NCAM1: variants seen among roughly 807,000 people sequenced by gnomAD.
NCAM1 encodes the protein antigen recognized by monoclonal antibody 5.1H11.
A neutral mutation model predicts 109.8 loss-of-function variants in NCAM1; 14 were observed. That is an observed-to-expected ratio of 0.13 (90% CI 0.08 to 0.20). The LOEUF (loss-of-function observed/expected upper bound fraction) is 0.20, where lower values mean the gene tolerates loss of function less well. Among genes scored for constraint, NCAM1 ranks in the 10% least tolerant of loss-of-function variants. The pLI, the probability that NCAM1 is intolerant of heterozygous loss-of-function variation, is 1.00. For missense variants in NCAM1, 774 were observed against 1,109.9 expected (o/e 0.70, Z 4.30); for synonymous variants, 418 against 442.9 (o/e 0.94, Z 0.70).
chr11:113,070,809 G>A (rs930887913), intron 1 of NCAM1, among the ~76,000 whole-genome samples: 1 of 152,178 alleles, frequency 6.6e-6, no homozygotes, highest in Non-Finnish European at 1.5e-5. Context: ...AGAAAAGGCA[G>A]GAGCTAGGTG....
At chr11:113,244,365 T>C (rs562216395) in intron 14 of NCAM1, among the ~76,000 whole-genome samples, 6 of 152,228 alleles carry the variant, frequency 3.9e-5, no homozygotes, top group Non-Finnish European at 8.8e-5. Flanking sequence ...AATGCTTAGT[T>C]GTGACATCCA....
chr11:113,070,563 G>A (rs1351399348), intron 1 of NCAM1, among the ~76,000 whole-genome samples: 2 of 152,210 alleles, frequency 1.3e-5, no homozygotes, highest in Middle Eastern at 3.4e-3. Context: ...ATGATGGACG[G>A]GATCGCAGAG....
At chr11:113,215,966 A>G (rs1200343197) in intron 8 of NCAM1, among the ~76,000 whole-genome samples, 1 of 152,196 alleles carries the variant, frequency 6.6e-6, no homozygotes, top group Non-Finnish European at 1.5e-5. Context: ...GACCCAGTGT[A>G]TATCTTTGAC....
chr11:113,225,934 A>C (rs557011298), intron 9 of NCAM1, among the ~76,000 whole-genome samples: 1 of 152,334 alleles, frequency 6.6e-6, no homozygotes, highest in Non-Finnish European at 1.5e-5. Context: ...TGAAGGAAGC[A>C]CTAAACATGG....
intron 14 of NCAM1, among the ~76,000 whole-genome samples, chr11:113,244,791 G>C (rs1555119840): frequency 6.6e-6 from 1 of 152,078 alleles, no homozygotes; most frequent in East Asian, 1.9e-4. Context: ...GTAGGAAGGT[G>C]CCTGAATCTG....
intron 1 of NCAM1, among the ~76,000 whole-genome samples, chr11:113,196,489 A>C (rs1591406846): frequency 1.3e-5 from 2 of 152,362 alleles, no homozygotes; most frequent in African/African-American, 4.8e-5. Flanking sequence ...TAGTAACCGA[A>C]ATAATTTCTT....
At chr11:113,103,706 T>G (rs1555091938) in intron 1 of NCAM1, among the ~76,000 whole-genome samples, 1 of 152,138 alleles carries the variant, frequency 6.6e-6, no homozygotes, top group African/African-American at 2.4e-5. Context: ...AAAGTTTATC[T>G]GTGAAGGGCT....
intron 1 of NCAM1, among the ~76,000 whole-genome samples, chr11:113,000,380 T>C (rs1951714497): frequency 6.6e-6 from 1 of 152,020 alleles, no homozygotes; most frequent in African/African-American, 2.4e-5. Context: ...TCTAGTAAAA[T>C]TGGGGTAAGA....
intron 1 of NCAM1, among the ~76,000 whole-genome samples, chr11:112,991,233 A>C (rs1951449061): frequency 1.3e-5 from 2 of 152,168 alleles, no homozygotes; most frequent in African/African-American, 4.8e-5. Context: ...AACATGATTA[A>C]ATTTAATAGG....
At position 113,050,109 on chromosome 11, in the gene NCAM1, A is replaced by G. The variant is rs377015131; in HGVS notation, c.52+88445A>G. On this transcript the variant is annotated intron_variant, in intron 1 of 19. Coordinates refer to ENST00000316851, the MANE Select transcript of NCAM1 (RefSeq NM_181351.5). ...ATTTTTTGCTCTGTGGTGAGAACGC[A>G]TGGTGTGGGGTGGGGGGCAGAAACA... Among the ~76,000 whole-genome samples, 4 of 107,002 alleles carry G rather than the reference A, an allele frequency of 3.7e-5. No individual in the cohort carries two copies. In the East Asian group the frequency reaches 9.2e-4, roughly 24 times the overall value. The allele number at this position is 107,002 out of a possible 152,430, so 70.2% of individuals were successfully genotyped here.
chr11:113,175,459 G>A (rs1394346053), intron 1 of NCAM1, among the ~76,000 whole-genome samples: 7 of 152,212 alleles, frequency 4.6e-5, no homozygotes, highest in African/African-American at 1.2e-4. Flanking sequence ...ATTTGCCTTT[G>A]TAGAAAGCCC....
chr11:113,067,362 G>A (rs901593138), intron 1 of NCAM1, among the ~76,000 whole-genome samples: 1 of 152,200 alleles, frequency 6.6e-6, no homozygotes, highest in African/African-American at 2.4e-5. Context: ...AGGGAAGAAA[G>A]TGTGGCAAGA....
intron 1 of NCAM1, among the ~76,000 whole-genome samples, chr11:112,994,223 T>C (rs1295261733): frequency 1.3e-5 from 2 of 152,370 alleles, no homozygotes; most frequent in East Asian, 3.9e-4. Context: ...ATCTTTATTC[T>C]GTCCTGCTGA....
rs568922562 is a variant in NCAM1, at chr11:113,263,041, T to C, written c.2131+2718T>C. The stretch of plus-strand genomic sequence containing the variant: ...ATGGCCACAGCTGCTGAGCAACCAT[T>C]CTGTGTGGAAGAGAAGGTTTTGTGA... On this transcript the variant is annotated intron_variant, in intron 17 of 19. Transcript: ENST00000316851. The C allele has an allele frequency of 1.0e-4, 155 of 1,498,914 alleles. 4 individuals are homozygous for C. In the South Asian group the frequency reaches 2.0e-3, roughly 19 times the overall value. 92.9% of individuals were successfully genotyped at this position (1,498,914 alleles called of 1,614,324 possible).
intron 15 of NCAM1, among the ~76,000 whole-genome samples, chr11:113,248,854 A>T (rs1186318572): frequency 6.6e-6 from 1 of 152,196 alleles, no homozygotes; most frequent in East Asian, 1.9e-4. Flanking sequence ...GGATTGTGAC[A>T]GATAAGCTTA....
At chr11:113,176,658 G>A (rs782403400) in intron 1 of NCAM1, among the ~76,000 whole-genome samples, 1 of 152,062 alleles carries the variant, frequency 6.6e-6, no homozygotes, top group Admixed American at 6.6e-5. Context: ...TTTTGCAAAG[G>A]TTTCTTTCTT....
At position 113,224,656 on chromosome 11, in the gene NCAM1, C is replaced by T. The variant is rs190320578; in HGVS notation, c.1089+3331C>T. The stretch of plus-strand genomic sequence containing the variant: ...CCTCCTCAAGTGGGTCCCTGACCCC[C>T]GAGTAGCCTAACTGGGAGGCACCCC... On this transcript the variant is annotated intron_variant, in intron 9 of 19. Transcript: ENST00000316851. Among the ~76,000 whole-genome samples, 529 of 152,298 alleles carry T rather than the reference C, an allele frequency of 3.5e-3. 4 individuals are homozygous for T. Among genetic ancestry groups the T allele is most frequent in the African/African-American group, 0.012 (507 of 41,578 alleles).
chr11:113,172,990 G>C (rs146326638), intron 1 of NCAM1, among the ~76,000 whole-genome samples: 4 of 152,122 alleles, frequency 2.6e-5, no homozygotes, highest in Non-Finnish European at 4.4e-5. Flanking sequence ...AATACTGCTC[G>C]TGGCAGCTCC....
intron 5 of NCAM1, 79 bp from the exon 6 acceptor site, chr11:113,207,182 T>C: frequency 9.0e-7 from 1 of 1,109,372 alleles, no homozygotes; most frequent in South Asian, 1.3e-5. Context: ...ACTCCTGACC[T>C]GGAGTGGTGT....
Sources: gnomAD v4.1 joint callset for allele counts (sites outside exome capture counted in the v4.1 genomes callset) on GRCh38, gnomAD v4.1.1 for gene constraint, MANE v1.5 for transcripts, NCBI Gene and HGNC (gene_info 2026-07-23, HGNC 2026-07-21) for gene names.